Variants in PALM2AKAP2 observed in about 807,000 individuals in gnomAD.
PALM2AKAP2 encodes PALM2-AKAP2 fusion protein.
A neutral mutation model predicts 71.5 loss-of-function variants in PALM2AKAP2; 37 were observed. The ratio of observed to expected loss-of-function variants is 0.52; its 90% CI spans 0.40 to 0.68. The LOEUF is 0.68. PALM2AKAP2 is among the 30% of genes least tolerant of loss of function. The pLI, the probability that PALM2AKAP2 is intolerant of heterozygous loss-of-function variation, is 0.00. For missense variants in PALM2AKAP2, 1,224 were observed against 1,191.8 expected, an observed-to-expected ratio of 1.03 and a Z score of -0.40; for synonymous variants, 468 against 478.8, an observed-to-expected ratio of 0.98 and a Z score of 0.29.
chr9:109,881,876 C>CTTTTTTTTTTTTTTTTTTTTTT (rs565835467), intron 3 of PALM2AKAP2, among the ~76,000 whole-genome samples: 1 of 95,116 alleles, frequency 1.1e-5, no homozygotes, highest in African/African-American at 3.6e-5. Context: ...CTTATGAGCT[C>CTTTTTTTTTTTTTTTTTTTTTT]TTTTTTTTTT....
intron 6 of PALM2AKAP2, among the ~76,000 whole-genome samples, chr9:110,007,523 C>G (rs1020322590): frequency 3.3e-5 from 5 of 152,184 alleles, no homozygotes; most frequent in African/African-American, 1.2e-4. Flanking sequence ...AAAAGGAGGT[C>G]TGTTCCTAAG....
intron 1 of PALM2AKAP2, among the ~76,000 whole-genome samples, chr9:109,813,216 A>G (rs1258058079): frequency 1.3e-5 from 2 of 152,240 alleles, no homozygotes; most frequent in Non-Finnish European, 2.9e-5. Flanking sequence ...TCCCACAGGA[A>G]GTGAAAGGAA....
chr9:109,862,711 T>C (rs1216852422), intron 1 of PALM2AKAP2, among the ~76,000 whole-genome samples: 1 of 152,190 alleles, frequency 6.6e-6, no homozygotes, highest in Non-Finnish European at 1.5e-5. Context: ...TGAGGGTAGA[T>C]GTGTTTCCCC....
chr9:109,739,129 A>T (rs1362348788), intron 1 of PALM2AKAP2, among the ~76,000 whole-genome samples: 1 of 152,262 alleles, frequency 6.6e-6, no homozygotes, highest in Non-Finnish European at 1.5e-5. Flanking sequence ...ATGCATAGCT[A>T]GACCCAGATG....
At chr9:109,997,779 G>A (rs1255694434) in intron 6 of PALM2AKAP2, among the ~76,000 whole-genome samples, 1 of 151,644 alleles carries the variant, frequency 6.6e-6, no homozygotes, top group Non-Finnish European at 1.5e-5. Context: ...CCAAGGAAGA[G>A]CCACCACCTG....
At chr9:109,743,939 G>A (rs1388402784) in intron 1 of PALM2AKAP2, among the ~76,000 whole-genome samples, 1 of 152,130 alleles carries the variant, frequency 6.6e-6, no homozygotes, top group African/African-American at 2.4e-5. Flanking sequence ...GTATGTGGAT[G>A]TTCTCATTTA....
chr9:109,819,444 G>GGGAAGAGCAATAACTCTTTTCTA (rs1827932701), intron 1 of PALM2AKAP2, among the ~76,000 whole-genome samples: 1 of 152,174 alleles, frequency 6.6e-6, no homozygotes, highest in South Asian at 2.1e-4. Context: ...AGGGAGACCT[G>GGGAAGAGCAATAACTCTTTTCTA]GGAAGAGCAA....
chr9:109,645,887 A>C (rs1329293044), intron 1 of PALM2AKAP2, among the ~76,000 whole-genome samples: 1 of 152,110 alleles, frequency 6.6e-6, no homozygotes, highest in Non-Finnish European at 1.5e-5. Flanking sequence ...TTGCGCATGT[A>C]CTCACCTGAA....
At chr9:109,652,767 C>A (rs1353922517) in intron 1 of PALM2AKAP2, among the ~76,000 whole-genome samples, 4 of 152,070 alleles carry the variant, frequency 2.6e-5, no homozygotes. Flanking sequence ...TTGTCTTTGC[C>A]TTCATAGGGG....
intron 6 of PALM2AKAP2, among the ~76,000 whole-genome samples, chr9:110,012,952 T>G (rs1158476854): frequency 2.0e-5 from 3 of 152,224 alleles, no homozygotes; most frequent in African/African-American, 7.2e-5. Flanking sequence ...CATAATGATT[T>G]TCATTTATAA....
At chr9:110,158,510 C>G (rs751939458) in intron 3 of PALM2AKAP2, among the ~76,000 whole-genome samples, 1 of 152,140 alleles carries the variant, frequency 6.6e-6, no homozygotes, top group Admixed American at 6.6e-5. Context: ...TCACTCATTT[C>G]GTAAAGGCAG....
At chr9:109,856,927 T>G (rs965906807) in intron 1 of PALM2AKAP2, among the ~76,000 whole-genome samples, 1 of 152,196 alleles carries the variant, frequency 6.6e-6, no homozygotes, top group Non-Finnish European at 1.5e-5. Context: ...GTGCACACTA[T>G]CTTGTTTTGT....
intron 1 of PALM2AKAP2, chr9:109,640,960 C>G: frequency 7.1e-7 from 1 of 1,414,662 alleles, no homozygotes. Context: ...GGGTCCGCGT[C>G]CAGGATGGGT....
intron 1 of PALM2AKAP2, among the ~76,000 whole-genome samples, chr9:110,085,652 A>T (rs1233074405): frequency 6.6e-6 from 1 of 152,262 alleles, no homozygotes; most frequent in African/African-American, 2.4e-5. Context: ...CAAAATTTAT[A>T]TGAACCTAAT....
chr9:109,900,617 A>G (rs1016413537), intron 3 of PALM2AKAP2, among the ~76,000 whole-genome samples: 6 of 152,228 alleles, frequency 3.9e-5, no homozygotes, highest in Admixed American at 1.3e-4. Context: ...CTGGAGGCCA[A>G]GCATAATTAG....
At chr9:110,096,682 A>G (rs115611608) in intron 1 of PALM2AKAP2, among the ~76,000 whole-genome samples, 1,780 of 151,786 alleles carry the variant, frequency 0.012, 38 homozygotes, top group African/African-American at 0.041. Flanking sequence ...ACTGTGTGTA[A>G]GATGTGTCCA....
intron 6 of PALM2AKAP2, among the ~76,000 whole-genome samples, chr9:109,967,285 A>G (rs571812733): frequency 2.8e-4 from 43 of 152,306 alleles, no homozygotes; most frequent in African/African-American, 9.9e-4. Flanking sequence ...AACCAGGCAG[A>G]AGATGTATTA....
At position 109,837,050 on chromosome 9, in the gene PALM2AKAP2, GA is replaced by G. The variant is rs368030225; in HGVS notation, c.46-30439del. ...AGAACGCCACAAAGATACTCCTCGA[GA>G]AGAGCAACTCCAAGACACATAATTG... is the stretch of plus-strand genomic sequence containing the variant. On this transcript the variant is annotated intron_variant, in intron 1 of 9. Coordinates refer to the PALM2AKAP2 transcript ENST00000302798. Among the ~76,000 whole-genome samples, 38 of 152,228 alleles carry G rather than the reference GA, an allele frequency of 2.5e-4. 1 individual carries two copies. The East Asian group carries it at 6.6e-3, about 26-fold the overall frequency.
chr9:109,982,096 ACAATGGAGTAC>A (rs762094307), intron 6 of PALM2AKAP2, among the ~76,000 whole-genome samples: 2 of 152,268 alleles, frequency 1.3e-5, no homozygotes, highest in Non-Finnish European at 2.9e-5. Context: ...GTACGTGTAC[ACAATGGAGTAC>A]TATTCAGCCA....
Sources: gnomAD v4.1 joint callset for allele counts (sites outside exome capture counted in the v4.1 genomes callset) on GRCh38, gnomAD v4.1.1 for gene constraint, MANE v1.5 for transcripts, NCBI Gene and HGNC (gene_info 2026-07-23, HGNC 2026-07-21) for gene names.